The following HSPG2 variants were observed in gnomAD, a reference collection of about 807,000 sequenced individuals.
The protein encoded by HSPG2 is basement membrane-specific heparan sulfate proteoglycan core protein.
HSPG2 carries 278 observed loss-of-function variants against 526.6 expected under a neutral mutation model. The ratio of observed to expected loss-of-function variants is 0.53; its 90% CI spans 0.48 to 0.58. The LOEUF is 0.58. Ranked by LOEUF, HSPG2 falls within the 20% of genes least tolerant of loss-of-function variation. The pLI is 0.00. For synonymous variants in HSPG2, 2,465 were observed against 2,555.4 expected, an observed-to-expected ratio of 0.96 and a Z score of 1.07; for missense variants, 5,354 against 6,099.5, an observed-to-expected ratio of 0.88 and a Z score of 4.07.
At chr1:21,886,893 A>G (rs180804358) in intron 9 of HSPG2, among the ~76,000 whole-genome samples, 20 of 152,274 alleles carry the variant, frequency 1.3e-4, no homozygotes, top group African/African-American at 4.6e-4. Context: ...CGACCCACAT[A>G]CAAAACAAAG....
At position 21,898,101 on chromosome 1, in the gene HSPG2, T is replaced by C. The variant is rs1642877502; in HGVS notation, c.64-1791A>G. ...AATAAATGAACGGACAAAAACGGAA[T>C]TCATCACCTATGAATTCCAGTCACT... On this transcript the variant is annotated intron_variant, in intron 1 of 96. Transcript: ENST00000374695. This position sits in a 1 kb window ranked among gnomAD's most constrained non-coding sequence, Gnocchi z 4.0. Among the ~76,000 whole-genome samples the C allele has an allele frequency of 6.6e-6, 1 of 152,190 alleles. No homozygotes were observed. Among genetic ancestry groups the C allele is most frequent in the Non-Finnish European group, 1.5e-5 (1 of 68,038 alleles).
intron 74 of HSPG2, among the ~76,000 whole-genome samples, chr1:21,837,362 C>T (rs190768480): frequency 4.0e-4 from 61 of 152,282 alleles, no homozygotes; most frequent in Non-Finnish European, 7.4e-4. Flanking sequence ...CTCACTGCAA[C>T]GTCCACCTCC....
rs561515170 is a variant in HSPG2, at chr1:21,857,694, G to A, written c.5294-309C>T. Among the ~76,000 whole-genome samples the A allele has an allele frequency of 7.2e-5, 11 of 152,196 alleles. No homozygotes were observed. The East Asian group carries it at 1.2e-3, about 16-fold the overall frequency. On this transcript the variant is annotated intron_variant, in intron 42 of 96. Coordinates refer to ENST00000374695, the MANE Select transcript of HSPG2 (RefSeq NM_005529.7). ...CACCCCACTCCAACTGGGTTTCTCC[G>A]TCTGGTTTGAGTTTCTATCCCCCAA...
chr1:21,868,845 A>G (rs1424785882), intron 33 of HSPG2: 1 of 717,626 alleles, frequency 1.4e-6, no homozygotes. Context: ...ATATTTTGGG[A>G]TTCTATGACA....
chr1:21,929,411 CT>C (rs1046354414), intron 1 of HSPG2, among the ~76,000 whole-genome samples: 258 of 144,578 alleles, frequency 1.8e-3, no homozygotes, highest in Admixed American at 1.9e-3. Context: ...ATTCTTTTTT[CT>C]TTTTTTTTTT....
intron 1 of HSPG2, among the ~76,000 whole-genome samples, chr1:21,915,205 C>CCCT: frequency 6.6e-6 from 1 of 152,238 alleles, no homozygotes; most frequent in African/African-American, 2.4e-5. Flanking sequence ...AGGGTGCCCC[C>CCCT]GTCACAACAA....
At chr1:21,875,310 G>T in intron 25 of HSPG2, 1 of 594,702 alleles carries the variant, frequency 1.7e-6, no homozygotes, top group Non-Finnish European at 3.0e-6. Context: ...TCCGGCGAAT[G>T]ACTCTCCAGA....
At position 21,828,689 on chromosome 1, in the gene HSPG2, T is replaced by C; in HGVS notation, c.12237+146A>G. On this transcript the variant is annotated intron_variant, in intron 88 of 96. Coordinates refer to ENST00000374695, the MANE Select transcript of HSPG2 (RefSeq NM_005529.7). The surrounding 1 kb of genome is among the most constrained non-coding windows in gnomAD (Gnocchi z 6.0). ...ATGCCCATTTTACAGAGGAGGAAAC[T>C]GAGGCTCAGAGGTACAGTGTCCTGG... The C allele has an allele frequency of 4.9e-6, 6 of 1,215,558 alleles. No homozygotes were observed. Among genetic ancestry groups the C allele is most frequent in the Non-Finnish European group, 7.0e-6 (6 of 857,460 alleles). The allele number at this position is 1,215,558 out of a possible 1,614,324, so 75.3% of individuals were successfully genotyped here. A position where few individuals can be genotyped will look rare whatever the true frequency, so the allele number is the denominator to read the frequency against.
Position 21,834,761 on chromosome 1 carries a change from C to T in HSPG2, c.10638G>A (p.Glu3546=). 6.2e-7 allele frequency: 1 copy of T among 1,614,206 alleles called. No homozygotes were observed. The highest frequency in any genetic ancestry group is 8.5e-7 in the Non-Finnish European group (1 of 1,180,018). Residue 3546 remains glutamate (E), a synonymous_variant, in exon 77 of 97, where the codon GAG becomes GAA. Coordinates refer to ENST00000374695, the MANE Select transcript of HSPG2 (RefSeq NM_005529.7). The part of the protein sequence containing the change: ...SGGVVRIAHV[E]LADAGQYRCT... ...AGCGATACTGTCCCGCATCAGCCAG[C>T]TCTACGTGGGCGATCCTGACGACAC...
At chr1:21,935,990 C>T (rs996089285) in intron 1 of HSPG2, among the ~76,000 whole-genome samples, 2 of 151,930 alleles carry the variant, frequency 1.3e-5, no homozygotes, top group Non-Finnish European at 2.9e-5. Context: ...GGTAGAGGTG[C>T]GATGAAGCCA....
At chr1:21,856,832 G>C (rs1433045589) in intron 44 of HSPG2, among the ~76,000 whole-genome samples, 183 bp downstream of exon 44, 5 of 152,228 alleles carry the variant, frequency 3.3e-5, no homozygotes, top group African/African-American at 7.2e-5. Context: ...CCTAGGACGT[G>C]TACTTCAGGA....
In HSPG2 at chr1:21,829,427, G is replaced by A. The variant is rs756096314; in HGVS notation, c.11948C>T (p.Ala3983Val). ...GAACTCCAGGTGGCCGCCCACCATC[G>A]CCAGGGACACGAAGTCCTCCACAGG... ...SGPVEDFVSL[A>V]MVGGHLEFRY... is the part of the protein sequence containing the mutation. Residue 3983 changes from alanine (A) to valine (V), a missense_variant, in exon 87 of 97, where the codon GCG becomes GTG. Ala to Val is a moderately conservative substitution (Grantham distance 64, BLOSUM62 0). Coordinates refer to ENST00000374695, the MANE Select transcript of HSPG2 (RefSeq NM_005529.7). 7.4e-6 allele frequency: 12 copies of A among 1,613,394 alleles called. No individual in the cohort carries two copies. The highest frequency in any genetic ancestry group is 5.0e-5 in the Admixed American group (3 of 60,018).
rs562882866 is a variant in HSPG2 at position 21,836,156 on chromosome 1, T to A, written c.10356-519A>T. On this transcript the variant is annotated intron_variant, in intron 75 of 96. Transcript: ENST00000374695. ...AGACCTTATGGTCTAGGGCTCAAGA[T>A]TACACAGTTATCAAGTAGCAGAGCT... Among the ~76,000 whole-genome samples, 6 of 152,248 alleles carry A rather than the reference T, an allele frequency of 3.9e-5. 1 individual carries two copies. Among genetic ancestry groups the A allele is most frequent in the African/African-American group, 1.4e-4 (6 of 41,556 alleles).
intron 65 of HSPG2, among the ~76,000 whole-genome samples, chr1:21,843,929 C>A (rs2098060372): frequency 6.6e-6 from 1 of 152,232 alleles, no homozygotes; most frequent in African/African-American, 2.4e-5. Flanking sequence ...AGCCACTGCG[C>A]CCAGCCAGAG....
At position 21,855,781 on chromosome 1, in the gene HSPG2, C is replaced by T. The variant is rs370854581; in HGVS notation, c.5701+6G>A. On this transcript the variant is annotated splice_donor_region_variant and intron_variant, in intron 45 of 96. Coordinates refer to ENST00000374695, the MANE Select transcript of HSPG2 (RefSeq NM_005529.7). ...GCCTTGAATGTCATTCCCATCACGGCCTCACCTGTCCACTCGAGGGTGGGC... is the reference window on the plus strand; with the variant it reads ...GCCTTGAATGTCATTCCCATCACGGTCTCACCTGTCCACTCGAGGGTGGGC... 6.3e-5 allele frequency: 102 copies of T among 1,612,944 alleles called. No individual in the cohort carries two copies. The African/African-American group carries it at 1.2e-3, about 19-fold the overall frequency.
At position 21,890,647 on chromosome 1, in the gene HSPG2, G is replaced by A. The variant is rs1285994390; in HGVS notation, c.292C>T (p.Pro98Ser). Residue 98 changes from proline to serine, a missense_variant, in exon 4 of 97, where the codon CCT becomes TCT. By Grantham distance (74) the Pro-to-Ser change is moderately conservative. Coordinates refer to ENST00000374695, the MANE Select transcript of HSPG2 (RefSeq NM_005529.7). The surrounding 1 kb of genome is among the most constrained non-coding windows in gnomAD (Gnocchi z 4.1). ...VNFTRSIEYS[P>S]QLEDAGSREF... is the part of the protein sequence containing the mutation. ...CTGGAGCCTGCATCCTCCAGCTGAG[G>A]GCTGTACTCGATGGAGCGAGTGAAA... The A allele has an allele frequency of 1.9e-6, 3 of 1,614,044 alleles. No individual in the cohort carries two copies. The highest frequency in any genetic ancestry group is 2.2e-5 in the South Asian group (2 of 91,078).
chr1:21,841,955 C>T (rs1395111450), intron 69 of HSPG2, 47 bp downstream of exon 69: 11 of 1,609,608 alleles, frequency 6.8e-6, no homozygotes, highest in African/African-American at 1.3e-5. Context: ...TGACGGCACC[C>T]CCATGCCTGC....
chr1:21,859,058 A>AT lies in HSPG2; in HGVS notation c.5293+507dup, dbSNP rs1253000879. 2.0e-5 allele frequency among the ~76,000 whole-genome samples: 3 copies of AT among 151,724 alleles called. No individual in the cohort carries two copies. Among genetic ancestry groups the AT allele is most frequent in the Non-Finnish European group, 2.9e-5 (2 of 67,954 alleles). ...GACTCTGAGGTGCATTATTATTATTATTTTTTTAAGACAGAGTCTTGCTCT... is the reference window on the plus strand; with the variant it reads ...GACTCTGAGGTGCATTATTATTATTATTTTTTTTAAGACAGAGTCTTGCTCT... On this transcript the variant is annotated intron_variant, in intron 42 of 96. Coordinates refer to ENST00000374695, the MANE Select transcript of HSPG2 (RefSeq NM_005529.7). This position sits in a 1 kb window ranked among gnomAD's most constrained non-coding sequence, Gnocchi z 5.3.
At position 21,850,413 on chromosome 1, in the gene HSPG2, G is replaced by A. The variant is rs1185405772; in HGVS notation, c.7244C>T (p.Pro2415Leu). The A allele has an allele frequency of 6.2e-7, 1 of 1,611,804 alleles. No homozygotes were observed. The highest frequency in any genetic ancestry group is 1.1e-5 in the South Asian group (1 of 90,716). The change falls in exon 56 of 97, where the codon CCT (proline) becomes CTT (leucine). Residue 2415 changes from proline (P) to leucine (L), a missense_variant. Coordinates refer to ENST00000374695, the MANE Select transcript of HSPG2 (RefSeq NM_005529.7). Reference protein sequence around the residue: ...YVCRVLGSSVPLEASVLVTIE... With the variant: ...YVCRVLGSSVLLEASVLVTIE... ...GGTGACCAGGACAGAGGCCTCTAGA[G>A]GCACGGAGCTGCCCAACACTCGGCA...
Sources: allele counts gnomAD v4.1 joint callset (sites outside exome capture counted in the v4.1 genomes callset), GRCh38; gene constraint gnomAD v4.1.1; non-coding constraint Gnocchi (gnomAD v3.1); transcripts MANE v1.5; gene names NCBI Gene and HGNC (gene_info 2026-07-23, HGNC 2026-07-21).